Variants in CFHR4 observed in about 807,000 individuals in gnomAD.
CFHR4 encodes complement factor H related 4.
A neutral mutation model predicts 69.3 loss-of-function variants in CFHR4; 64 were observed. The ratio of observed to expected loss-of-function variants is 0.92; its 90% CI spans 0.76 to 1.14. The LOEUF (loss-of-function observed/expected upper bound fraction) is 1.14. Ranked by LOEUF, CFHR4 falls within the 50% of genes most tolerant of loss-of-function variation. The pLI, the probability that CFHR4 is intolerant of heterozygous loss-of-function variation, is 0.00. For missense variants in CFHR4, 636 were observed against 684.9 expected, an observed-to-expected ratio of 0.93 and a Z score of 0.80; for synonymous variants, 244 against 237.0, an observed-to-expected ratio of 1.03 and a Z score of -0.27.
intron 2 of CFHR4, 21 bp downstream of exon 2, chr1:196,902,636 G>C: frequency 6.5e-7 from 1 of 1,545,410 alleles, no homozygotes; most frequent in Non-Finnish European, 8.9e-7. Flanking sequence ...CTCTTTACAA[G>C]AATATGTGCA....
chr1:196,905,658 T>C (rs1458647597), intron 3 of CFHR4, among the ~76,000 whole-genome samples: 1 of 151,544 alleles, frequency 6.6e-6, no homozygotes, highest in Non-Finnish European at 1.5e-5. Flanking sequence ...TTGTATTCCT[T>C]GCTCACACTC....
chr1:196,890,855 A>G (rs559554416), intron 1 of CFHR4, among the ~76,000 whole-genome samples: 1 of 151,726 alleles, frequency 6.6e-6, no homozygotes, highest in African/African-American at 2.4e-5. Context: ...ACCCAGTTCT[A>G]ATAACTTCTC....
intron 1 of CFHR4, among the ~76,000 whole-genome samples, chr1:196,889,077 T>C (rs1047385311): frequency 6.6e-6 from 1 of 151,458 alleles, no homozygotes; most frequent in Non-Finnish European, 1.5e-5. Context: ...ACAAATTTTA[T>C]AATTATCCAA....
In CFHR4 at chr1:196,907,024, G is replaced by C. The variant is rs1657946913; in HGVS notation, c.603G>C (p.Leu201Phe). Residue 201 changes from leucine (L) to phenylalanine (F), a missense_variant, in exon 4 of 10, where the codon TTG (leucine) becomes TTC (phenylalanine). By Grantham distance (22) the Leu-to-Phe change is conservative. Transcript: ENST00000608469. ...IVCGEDGWSH[L>F]PTCYNSSENC... ...GTGGTGAAGATGGCTGGTCCCATTT[G>C]CCAACATGCTATAGTAAGTATTTTA... 7 of 1,609,962 alleles carry C rather than the reference G, an allele frequency of 4.3e-6. No homozygotes were observed. Among genetic ancestry groups the C allele is most frequent in the Non-Finnish European group, 5.9e-6 (7 of 1,178,460 alleles).
At position 196,898,424 on chromosome 1, in the gene CFHR4, G is replaced by A. The variant is rs184431143; in HGVS notation, c.59-3994G>A. ...ATTTTAGTATATGGAGTTTTGAGAA[G>A]TCTTTGCTTTCCAAAGTAGATAATT... On this transcript the variant is annotated intron_variant, in intron 1 of 9. Coordinates refer to ENST00000608469, the MANE Select transcript of CFHR4 (RefSeq NM_001201550.3). 1.8e-3 allele frequency among the ~76,000 whole-genome samples: 271 copies of A among 151,656 alleles called. 4 individuals carry two copies. Among genetic ancestry groups the A allele is most frequent in the South Asian group, 9.1e-3 (44 of 4,822 alleles).
chr1:196,896,185 CCTT>C (rs1225936690), intron 1 of CFHR4, among the ~76,000 whole-genome samples: 1 of 150,124 alleles, frequency 6.7e-6, no homozygotes, highest in African/African-American at 2.5e-5. Flanking sequence ...AGATTCTCCT[CCTT>C]CTACATGTTT....
intron 1 of CFHR4, among the ~76,000 whole-genome samples, chr1:196,890,565 A>T (rs933890428): frequency 1.3e-5 from 2 of 151,556 alleles, no homozygotes; most frequent in African/African-American, 4.9e-5. Flanking sequence ...ATATCCTTTT[A>T]AAATTGTATA....
chr1:196,912,790 T>A lies in CFHR4; in HGVS notation c.1048T>A (p.Ser350Thr). Residue 350 changes from serine to threonine, a missense_variant, in exon 7 of 10, where the codon TCT becomes ACT. Coordinates refer to ENST00000608469, the MANE Select transcript of CFHR4 (RefSeq NM_001201550.3). Reference sequence around the variant, plus strand: ...AATTGAAAATGGATTCATTTCTGAATCTTCCTCTATTTATATTTTAAATAA... The same window carrying A: ...AATTGAAAATGGATTCATTTCTGAAACTTCCTCTATTTATATTTTAAATAA... ...IEIENGFISE[S>T]SSIYILNKEI... 3.1e-6 allele frequency: 5 copies of A among 1,599,412 alleles called. No homozygotes were observed. Among genetic ancestry groups the A allele is most frequent in the Non-Finnish European group, 4.3e-6 (5 of 1,172,942 alleles).
chr1:196,899,145 C>T lies in CFHR4; in HGVS notation c.59-3273C>T, dbSNP rs563909612. ...ATCAAATGTAGCAAAATGTCTCTCA[C>T]GTCAATAGGGTGTTTTATTTCTATG... On this transcript the variant is annotated intron_variant, in intron 1 of 9. Transcript: ENST00000608469. Among the ~76,000 whole-genome samples the T allele has an allele frequency of 5.4e-5, 7 of 128,568 alleles. No individual in the cohort carries two copies. In the South Asian group the frequency reaches 1.5e-3, roughly 27 times the overall value. The allele number at this position is 128,568 out of a possible 152,430, so 84.3% of individuals were successfully genotyped here.
chr1:196,899,058 G>A lies in CFHR4; in HGVS notation c.59-3360G>A, dbSNP rs191280190. Among the ~76,000 whole-genome samples, 588 of 151,756 alleles carry A rather than the reference G, an allele frequency of 3.9e-3. 22 individuals carry two copies. Among genetic ancestry groups the A allele is most frequent in the African/African-American group, 0.014 (571 of 41,238 alleles). Reference sequence around the variant, plus strand: ...TAAGTCCAGCACACAACAAGTGGAGGAGAATTAGGCTCCACTATTTTGAGG... The same window carrying A: ...TAAGTCCAGCACACAACAAGTGGAGAAGAATTAGGCTCCACTATTTTGAGG... On this transcript the variant is annotated intron_variant, in intron 1 of 9. Transcript: ENST00000608469.
chr1:196,903,683 A>ATG (rs1385216428), intron 2 of CFHR4, among the ~76,000 whole-genome samples: 15 of 150,244 alleles, frequency 1.0e-4, no homozygotes, highest in African/African-American at 3.7e-4. Context: ...ATATATATAT[A>ATG]TGTATATATA....
At chr1:196,914,053 T>C (rs1333886168) in intron 7 of CFHR4, among the ~76,000 whole-genome samples, 16 of 151,498 alleles carry the variant, frequency 1.1e-4, no homozygotes, top group Non-Finnish European at 1.5e-4. Context: ...TTTATAGAAC[T>C]TATATCCAAT....
Position 196,912,733 on chromosome 1 carries a change from A to C in CFHR4, c.998-7A>C, listed in dbSNP as rs759419901. 2.5e-6 allele frequency: 4 copies of C among 1,580,138 alleles called. No individual in the cohort carries two copies. The highest frequency in any genetic ancestry group is 3.4e-6 in the Non-Finnish European group (4 of 1,164,524). The stretch of plus-strand genomic sequence containing the variant: ...ATTTACTTTTTTCTCTACTTTTTCT[A>C]TTTTAGGAACATGCTCAAAATCAGA... On this transcript the variant is annotated splice_polypyrimidine_tract_variant and splice_region_variant and intron_variant, in intron 6 of 9. Transcript: ENST00000608469.
At position 196,916,970 on chromosome 1, in the gene CFHR4, G is replaced by A. The variant is rs138103154; in HGVS notation, c.1541-1240G>A. Among the ~76,000 whole-genome samples, 1,302 of 151,612 alleles carry A rather than the reference G, an allele frequency of 8.6e-3. 9 individuals carry two copies. Among genetic ancestry groups the A allele is most frequent in the African/African-American group, 0.03 (1,237 of 41,148 alleles). ...GCAATGAGGAAAACTTTCCCAGGCAGCAGGAAACTTTAGAAAGTTTTGGAA... is the reference window on the plus strand; with the variant it reads ...GCAATGAGGAAAACTTTCCCAGGCAACAGGAAACTTTAGAAAGTTTTGGAA... On this transcript the variant is annotated intron_variant, in intron 9 of 9. Coordinates refer to ENST00000608469, the MANE Select transcript of CFHR4 (RefSeq NM_001201550.3).
In CFHR4 at chr1:196,902,288, C is replaced by G. The variant is rs192436186; in HGVS notation, c.59-130C>G. 143 of 671,024 alleles carry G rather than the reference C, an allele frequency of 2.1e-4. 2 individuals carry two copies. The East Asian group carries it at 3.9e-3, about 18-fold the overall frequency. The allele number at this position is 671,024 out of a possible 1,614,324, so 41.6% of individuals were successfully genotyped here. Reference sequence around the variant, plus strand: ...TATCTAGGTCATTGGATTTCTGTAACTTTTCTTGCCCTAAAACCCCTAATT... The same window carrying G: ...TATCTAGGTCATTGGATTTCTGTAAGTTTTCTTGCCCTAAAACCCCTAATT... On this transcript the variant is annotated intron_variant, in intron 1 of 9. Transcript: ENST00000608469.
At chr1:196,888,449 C>A (rs1026038069) in intron 1 of CFHR4, among the ~76,000 whole-genome samples, 6 of 150,982 alleles carry the variant, frequency 4.0e-5, no homozygotes, top group Non-Finnish European at 7.4e-5. Context: ...TAAAAAGCAT[C>A]TAATATTCAT....
At position 196,894,785 on chromosome 1, in the gene CFHR4, C is replaced by T. The variant is rs573313370; in HGVS notation, c.58+6577C>T. 3.3e-5 allele frequency among the ~76,000 whole-genome samples: 5 copies of T among 151,332 alleles called. No homozygotes were observed. In the South Asian group the frequency reaches 8.3e-4, roughly 25 times the overall value. On this transcript the variant is annotated intron_variant, in intron 1 of 9. Coordinates refer to ENST00000608469, the MANE Select transcript of CFHR4 (RefSeq NM_001201550.3). ...ATTTGATTATGACCAAGTATAGTGG[C>T]TCATTCCTGTAACGCCAGCACTTTG...
At chr1:196,905,062 A>G (rs12406509) in intron 2 of CFHR4, 46 bp from the exon 3 acceptor site, 25,785 of 1,457,614 alleles carry the variant, frequency 0.018, 457 homozygotes, top group Non-Finnish European at 0.021. Context: ...CTATAAAAGA[A>G]GTATTCAACA....
At chr1:196,916,157 G>A (rs1003983266) in intron 9 of CFHR4, among the ~76,000 whole-genome samples, 1 of 151,242 alleles carries the variant, frequency 6.6e-6, no homozygotes, top group Non-Finnish European at 1.5e-5. Flanking sequence ...TATACTTCTA[G>A]AATTTTGTCC....
Sources: allele counts gnomAD v4.1 joint callset (sites outside exome capture counted in the v4.1 genomes callset), GRCh38; gene constraint gnomAD v4.1.1; transcripts MANE v1.5; gene names NCBI Gene and HGNC (gene_info 2026-07-23, HGNC 2026-07-21).